Variants in CNIH3 observed in about 807,000 individuals in gnomAD.
CNIH3 encodes the protein protein cornichon homolog 3.
Under a neutral mutation model 24.1 loss-of-function variants are expected in CNIH3, and 14 were observed. The observed-to-expected ratio is 0.58, with a 90% CI of 0.38 to 0.91. The LOEUF is 0.91. Among genes scored for constraint, CNIH3 ranks in the 40% least tolerant of loss-of-function variants. The pLI is 0.00. For missense variants in CNIH3, 178 were observed against 196.8 expected (o/e 0.90, Z 0.57); for synonymous variants, 68 against 73.8 (o/e 0.92, Z 0.40).
intron 1 of CNIH3, among the ~76,000 whole-genome samples, chr1:224,679,998 G>A (rs150024840): frequency 0.01 from 1,574 of 152,096 alleles, 41 homozygotes; most frequent in African/African-American, 0.036. Context: ...TAGTAGAGAC[G>A]GGATTTCACC....
chr1:224,536,268 C>G (rs1290094496), intron 2 of CNIH3, among the ~76,000 whole-genome samples: 1 of 147,268 alleles, frequency 6.8e-6, no homozygotes, highest in African/African-American at 2.5e-5. Flanking sequence ...TGGGAAATAG[C>G]TGCCATAATT....
rs575564830 is a variant in CNIH3, at chr1:224,532,984, G to A, written n.344-3952G>A. Among the ~76,000 whole-genome samples, 3 of 152,222 alleles carry A rather than the reference G, an allele frequency of 2.0e-5. No individual in the cohort carries two copies. In the South Asian group the frequency reaches 6.2e-4, roughly 32 times the overall value. On this transcript the variant is annotated intron_variant and non_coding_transcript_variant, in intron 2 of 2. Coordinates refer to the CNIH3 transcript ENST00000470602. ...CAATAAAACAAAGGGTATAATGAAG[G>A]ACTAAATAGTATCATTTATGTAATA...
chr1:224,475,353 C>A (rs12027662), intron 1 of CNIH3, among the ~76,000 whole-genome samples: 1 of 125,586 alleles, frequency 8.0e-6, no homozygotes, highest in African/African-American at 2.9e-5. Context: ...GAGACTCCAT[C>A]TCAAAAAAAA....
At chr1:224,463,086 T>C (rs12117404) in intron 1 of CNIH3, among the ~76,000 whole-genome samples, 147,639 of 151,650 alleles carry the variant, frequency 0.97, 71,959 homozygotes, top group East Asian at 1. Context: ...TTAGTAGAGA[T>C]GGGGTTTCAT....
chr1:224,671,823 G>C (rs1050742494), intron 1 of CNIH3, among the ~76,000 whole-genome samples: 3 of 152,198 alleles, frequency 2.0e-5, no homozygotes, highest in Admixed American at 6.5e-5. Flanking sequence ...GAACAGGTGG[G>C]TGGTACCCAT....
rs542384594 is a variant in CNIH3 at position 224,663,794 on chromosome 1, G to A, written c.82-17164G>A. Among the ~76,000 whole-genome samples the A allele has an allele frequency of 4.6e-5, 7 of 152,316 alleles. No individual in the cohort carries two copies. The South Asian group carries it at 1.5e-3, about 32-fold the overall frequency. ...TTCTTCATAGGCAATCAGAAATGCA[G>A]TAGGGCCCACAGTGACAGAGTCAAA... On this transcript the variant is annotated intron_variant, in intron 1 of 5. Coordinates refer to ENST00000272133, the MANE Select transcript of CNIH3 (RefSeq NM_152495.2).
intron 3 of CNIH3, among the ~76,000 whole-genome samples, chr1:224,707,247 A>G (rs1177931784): frequency 6.6e-6 from 1 of 152,104 alleles, no homozygotes; most frequent in African/African-American, 2.4e-5. Flanking sequence ...TACAAATGTC[A>G]GCCACTGCTG....
chr1:224,724,603 T>G (rs1688920130), intron 3 of CNIH3, among the ~76,000 whole-genome samples: 1 of 152,160 alleles, frequency 6.6e-6, no homozygotes, highest in Non-Finnish European at 1.5e-5. Flanking sequence ...AAAGATATAG[T>G]ATCTTTTTCT....
chr1:224,562,200 C>T (rs1680402700), intron 3 of CNIH3, among the ~76,000 whole-genome samples: 1 of 152,192 alleles, frequency 6.6e-6, no homozygotes, highest in Admixed American at 6.5e-5. Context: ...TACTCTTTAA[C>T]CGGCTTTTGG....
chr1:224,526,528 C>G (rs712070), intron 2 of CNIH3, among the ~76,000 whole-genome samples: 48,921 of 151,916 alleles, frequency 0.32, 10,703 homozygotes, highest in African/African-American at 0.62. Flanking sequence ...TTCTTTTTTG[C>G]GGGTGGGAGA....
At chr1:224,715,157 C>A (rs1476036778) in intron 3 of CNIH3, among the ~76,000 whole-genome samples, 3 of 152,140 alleles carry the variant, frequency 2.0e-5, no homozygotes, top group Admixed American at 2.0e-4. Context: ...GTCACCAAAT[C>A]CAGGGGGCAT....
At chr1:224,478,664 C>A (rs1405772463) in intron 1 of CNIH3, among the ~76,000 whole-genome samples, 1 of 152,108 alleles carries the variant, frequency 6.6e-6, no homozygotes, top group Non-Finnish European at 1.5e-5. Flanking sequence ...TTATTTAGTT[C>A]GTTTGCTGAG....
intron 1 of CNIH3, among the ~76,000 whole-genome samples, chr1:224,443,686 T>G (rs867005381): frequency 8.7e-5 from 8 of 92,266 alleles, no homozygotes; most frequent in South Asian, 2.6e-4. Flanking sequence ...TAGATAGATA[T>G]CTATAGATAT....
chr1:224,568,165 C>G (rs1680664151), intron 4 of CNIH3, among the ~76,000 whole-genome samples: 1 of 152,072 alleles, frequency 6.6e-6, no homozygotes. Context: ...TGGCACGTGC[C>G]TGTTATCCCA....
chr1:224,568,987 C>T (rs1213539624), intron 4 of CNIH3, among the ~76,000 whole-genome samples: 1 of 152,180 alleles, frequency 6.6e-6, no homozygotes, highest in East Asian at 1.9e-4. Flanking sequence ...ATTCTCCTGC[C>T]TCAGCCTCCT....
At chr1:224,520,422 C>T (rs1179980703) in intron 1 of CNIH3, among the ~76,000 whole-genome samples, 2 of 152,224 alleles carry the variant, frequency 1.3e-5, no homozygotes, top group Non-Finnish European at 2.9e-5. Context: ...GCAGGCTCAT[C>T]CTCAACATTT....
chr1:224,608,019 G>A (rs1187591192), intron 3 of CNIH3, among the ~76,000 whole-genome samples: 3 of 152,096 alleles, frequency 2.0e-5, no homozygotes, highest in Non-Finnish European at 2.9e-5. Context: ...CAAGTCAGGC[G>A]GCACCAAAGT....
chr1:224,486,767 C>T (rs1324823138), intron 1 of CNIH3, among the ~76,000 whole-genome samples: 1 of 152,170 alleles, frequency 6.6e-6, no homozygotes, highest in Admixed American at 6.5e-5. Flanking sequence ...AATTGAATAA[C>T]ACTACCTTCA....
At chr1:224,607,435 G>C (rs972012924) in intron 3 of CNIH3, among the ~76,000 whole-genome samples, 1 of 152,142 alleles carries the variant, frequency 6.6e-6, no homozygotes. Context: ...AGAGGCAAGC[G>C]GTTGCATTCC....
Sources: gnomAD v4.1 joint callset for allele counts (sites outside exome capture counted in the v4.1 genomes callset) on GRCh38, gnomAD v4.1.1 for gene constraint, MANE v1.5 for transcripts, NCBI Gene and HGNC (gene_info 2026-07-23, HGNC 2026-07-21) for gene names.